PALS2: variants seen among roughly 807,000 people sequenced by gnomAD.
The protein encoded by PALS2 is protein associated with LIN7 2, MAGUK p55 family member, also known as protein PALS2.
Under a neutral mutation model 61.6 loss-of-function variants are expected in PALS2, and 27 were observed. The observed-to-expected ratio is 0.44, with a 90% CI of 0.32 to 0.60. The LOEUF (loss-of-function observed/expected upper bound fraction) is 0.60. PALS2 is among the 20% of genes least tolerant of loss of function. PALS2 has a pLI of 0.05. For synonymous variants in PALS2, 236 were observed against 218.6 expected, an observed-to-expected ratio of 1.08 and a Z score of -0.70; for missense variants, 554 against 639.4, an observed-to-expected ratio of 0.87 and a Z score of 1.44.
chr7:24,649,795 A>T (rs1415111096), intron 4 of PALS2, 31 bp downstream of exon 4: 1 of 1,498,820 alleles, frequency 6.7e-7, no homozygotes. Context: ...ACCCTATTAA[A>T]TCTGAAATAT....
At chr7:24,597,321 T>C (rs901616604) in intron 1 of PALS2, 8 of 152,190 alleles carry the variant, frequency 5.3e-5, no homozygotes, top group African/African-American at 1.9e-4. Context: ...AGTCTGTCCT[T>C]AAATAGAATG....
intron 3 of PALS2, among the ~76,000 whole-genome samples, chr7:24,646,829 G>C (rs1396541646): frequency 3.3e-5 from 5 of 152,078 alleles, no homozygotes; most frequent in South Asian, 2.1e-4. Flanking sequence ...CAATTTCGGA[G>C]GTTGTTATTG....
intron 1 of PALS2, among the ~76,000 whole-genome samples, chr7:24,595,751 T>G (rs901248257): frequency 6.6e-6 from 1 of 150,862 alleles, no homozygotes; most frequent in Non-Finnish European, 1.5e-5. Context: ...GTGACAAGAC[T>G]GTATGTAAGG....
chr7:24,685,264 GTTTA>G (rs1283182317), intron 11 of PALS2, among the ~76,000 whole-genome samples: 14 of 152,038 alleles, frequency 9.2e-5, no homozygotes, highest in Non-Finnish European at 5.9e-5. Context: ...TGAAACACAG[GTTTA>G]TTTGTTTTAT....
intron 1 of PALS2, among the ~76,000 whole-genome samples, chr7:24,585,535 G>T (rs761949354): frequency 1.3e-5 from 2 of 152,020 alleles, no homozygotes; most frequent in Non-Finnish European, 2.9e-5. Flanking sequence ...CGCTCAGCTT[G>T]CTATATAGCC....
chr7:24,679,824 G>C (rs903743319), intron 10 of PALS2, among the ~76,000 whole-genome samples: 1 of 152,042 alleles, frequency 6.6e-6, no homozygotes, highest in South Asian at 2.1e-4. Flanking sequence ...ATTGTTAATA[G>C]TTTCTTATGT....
chr7:24,686,535 A>G (rs552864724), intron 11 of PALS2, among the ~76,000 whole-genome samples: 1 of 152,302 alleles, frequency 6.6e-6, no homozygotes, highest in Non-Finnish European at 1.5e-5. Context: ...ACTGTAATTT[A>G]CTACTCAGTC....
chr7:24,613,454 T>C (rs1005447253), intron 1 of PALS2, among the ~76,000 whole-genome samples: 2 of 151,876 alleles, frequency 1.3e-5, no homozygotes, highest in African/African-American at 4.8e-5. Context: ...TGTCTTGCCT[T>C]TTTTTAATTA....
intron 1 of PALS2, among the ~76,000 whole-genome samples, chr7:24,590,229 C>T (rs13438486): frequency 0.024 from 3,580 of 152,228 alleles, 165 homozygotes; most frequent in African/African-American, 0.082. Context: ...ATTTTTCAAT[C>T]TTACCTGCTT....
chr7:24,667,207 A>G (rs1787066051), intron 8 of PALS2, among the ~76,000 whole-genome samples: 1 of 152,170 alleles, frequency 6.6e-6, no homozygotes. Context: ...ATTATTCATA[A>G]AATATATGCC....
At chr7:24,662,454 A>G (rs1020033561) in intron 5 of PALS2, among the ~76,000 whole-genome samples, 17 of 152,138 alleles carry the variant, frequency 1.1e-4, no homozygotes, top group African/African-American at 4.1e-4. Flanking sequence ...CTATAAATAT[A>G]TATAAAACAA....
chr7:24,665,803 C>T, intron 7 of PALS2, 116 bp downstream of exon 7: 1 of 999,382 alleles, frequency 1.0e-6, no homozygotes, highest in Admixed American at 2.6e-5. Flanking sequence ...GAATCCCTCC[C>T]TCTGCTTTCT....
In PALS2 at chr7:24,649,755, G is replaced by A; in HGVS notation, c.414G>A (p.Gly138=). Residue 138 remains glycine, a synonymous_variant, in exon 4 of 12, where the codon GGG becomes GGA. Transcript: ENST00000222644. ...IRILGIHKRA[G]EPLGVTFRVE... ...TTCTTGGTATTCACAAAAGAGCTGG[G>A]GAACCACTGGTGAGTACAGATAAAT... The A allele has an allele frequency of 6.2e-7, 1 of 1,605,614 alleles. No homozygotes were observed. The highest frequency in any genetic ancestry group is 8.5e-7 in the Non-Finnish European group (1 of 1,175,882).
intron 7 of PALS2, 53 bp from the exon 8 acceptor site, chr7:24,665,968 T>A: frequency 6.6e-7 from 1 of 1,525,206 alleles, no homozygotes; most frequent in South Asian, 1.2e-5. Context: ...ATAGGGCAAT[T>A]TTTTCATATT....
At chr7:24,650,744 A>C (rs756155866) in intron 5 of PALS2, 32 bp downstream of exon 5, 2 of 1,365,602 alleles carry the variant, frequency 1.5e-6, no homozygotes, top group Non-Finnish European at 2.0e-6. Context: ...AGTATTAAAA[A>C]TACTTTCATG....
intron 8 of PALS2, among the ~76,000 whole-genome samples, chr7:24,667,733 C>T (rs1434189969): frequency 7.2e-6 from 1 of 138,004 alleles, no homozygotes; most frequent in African/African-American, 2.7e-5. Context: ...GGCGCAATCT[C>T]GTCTTACTGC....
chr7:24,587,602 C>T (rs1783121754), intron 1 of PALS2, among the ~76,000 whole-genome samples: 3 of 151,486 alleles, frequency 2.0e-5, no homozygotes, highest in Admixed American at 6.6e-5. Context: ...TCTCAGAACT[C>T]CTGGTCTCAA....
intron 4 of PALS2, among the ~76,000 whole-genome samples, chr7:24,649,985 G>GC (rs1786056013): frequency 6.6e-6 from 1 of 151,930 alleles, no homozygotes; most frequent in African/African-American, 2.4e-5. Context: ...TAGAAATATG[G>GC]CAAGGGGTAG....
At chr7:24,674,076 G>A (rs1235333716) in intron 9 of PALS2, among the ~76,000 whole-genome samples, 1 of 151,860 alleles carries the variant, frequency 6.6e-6, no homozygotes, top group African/African-American at 2.4e-5. Flanking sequence ...TTGTAATCCC[G>A]AATATGCAAC....
Sources: gnomAD v4.1 joint callset for allele counts (sites outside exome capture counted in the v4.1 genomes callset) on GRCh38, gnomAD v4.1.1 for gene constraint, MANE v1.5 for transcripts, NCBI Gene and HGNC (gene_info 2026-07-23, HGNC 2026-07-21) for gene names.